TRIM24: variants seen among roughly 807,000 people sequenced by gnomAD.
TRIM24 encodes transcription intermediary factor 1-alpha.
In TRIM24, 29 loss-of-function variants were observed where a neutral mutation model predicts 123.9. The observed-to-expected ratio is 0.23, with a 90% CI of 0.17 to 0.32. TRIM24 has a LOEUF of 0.32. Ranked by LOEUF, TRIM24 falls within the 10% of genes least tolerant of loss-of-function variation. The pLI, the probability that TRIM24 is intolerant of heterozygous loss-of-function variation, is 1.00. For synonymous variants in TRIM24, 456 were observed against 461.1 expected (o/e 0.99, Z 0.14); for missense variants, 932 against 1,295.3 (o/e 0.72, Z 4.31).
intron 9 of TRIM24, among the ~76,000 whole-genome samples, chr7:138,561,060 T>C (rs1453236860): frequency 6.6e-6 from 1 of 152,212 alleles, no homozygotes; most frequent in Non-Finnish European, 1.5e-5. Flanking sequence ...TTTCCTTATA[T>C]ATAGCTCCAT....
chr7:138,576,559 T>C (rs1291791524), intron 13 of TRIM24, 114 bp downstream of exon 13: 3 of 827,042 alleles, frequency 3.6e-6, no homozygotes, highest in Non-Finnish European at 5.4e-6. Flanking sequence ...CCTTTATTTT[T>C]AATTAAAATT....
intron 6 of TRIM24, among the ~76,000 whole-genome samples, chr7:138,537,108 T>C (rs2116604687): frequency 6.6e-6 from 1 of 152,264 alleles, no homozygotes. Context: ...CCAGGTGCCG[T>C]CTGTCACAGC....
In TRIM24 at chr7:138,486,850, G is replaced by A. The variant is rs181591386; in HGVS notation, c.365-17440G>A. Among the ~76,000 whole-genome samples, 377 of 152,298 alleles carry A rather than the reference G, an allele frequency of 2.5e-3. 3 individuals are homozygous for A. The highest frequency in any genetic ancestry group is 3.2e-3 in the Non-Finnish European group (215 of 68,024). Reference sequence around the variant, plus strand: ...TTTATGGTTCCATATGAACTTTAAAGTAGTTTTTTTCCAGTTCTGTGAAGA... The same window carrying A: ...TTTATGGTTCCATATGAACTTTAAAATAGTTTTTTTCCAGTTCTGTGAAGA... On this transcript the variant is annotated intron_variant, in intron 1 of 18. Coordinates refer to ENST00000343526, the MANE Select transcript of TRIM24 (RefSeq NM_015905.3).
intron 12 of TRIM24, 118 bp downstream of exon 12, chr7:138,573,760 T>G: frequency 8.9e-7 from 1 of 1,126,554 alleles, no homozygotes; most frequent in East Asian, 2.5e-5. Flanking sequence ...TTTTCACTAT[T>G]TAAAATTAGT....
rs553385525 is a variant in TRIM24, at chr7:138,486,502, T to G, written c.365-17788T>G. 9.2e-5 allele frequency among the ~76,000 whole-genome samples: 14 copies of G among 152,344 alleles called. No homozygotes were observed. In the East Asian group the frequency reaches 2.5e-3, roughly 27 times the overall value. On this transcript the variant is annotated intron_variant, in intron 1 of 18. Coordinates refer to ENST00000343526, the MANE Select transcript of TRIM24 (RefSeq NM_015905.3). Reference sequence around the variant, plus strand: ...ATTTAAGTCTTTAATCCATCTTGAATTAATTTTTGTATAAGGTGTAAGGAA... The same window carrying G: ...ATTTAAGTCTTTAATCCATCTTGAAGTAATTTTTGTATAAGGTGTAAGGAA...
intron 15 of TRIM24, among the ~76,000 whole-genome samples, chr7:138,579,795 T>C (rs995448700): frequency 1.3e-5 from 2 of 152,156 alleles, no homozygotes; most frequent in African/African-American, 4.8e-5. Context: ...TGGTAGTGCA[T>C]GCCTGTAGTC....
intron 1 of TRIM24, among the ~76,000 whole-genome samples, chr7:138,484,088 G>A (rs1237460721): frequency 6.6e-6 from 1 of 151,924 alleles, no homozygotes; most frequent in Non-Finnish European, 1.5e-5. Context: ...GTGTCTGTGA[G>A]TGTATCTTTT....
intron 2 of TRIM24, among the ~76,000 whole-genome samples, chr7:138,508,700 C>CGCGCGCGCGCGTGTGT (rs1182276337): frequency 1.4e-4 from 5 of 35,510 alleles, no homozygotes; most frequent in East Asian, 1.4e-3. Context: ...TGTGCGCGCG[C>CGCGCGCGCGCGTGTGT]GTGTGTGCGT....
At chr7:138,540,870 A>C (rs1796989249) in intron 7 of TRIM24, among the ~76,000 whole-genome samples, 1 of 152,004 alleles carries the variant, frequency 6.6e-6, no homozygotes, top group African/African-American at 2.4e-5. Flanking sequence ...ATGGAGTCTC[A>C]CTCTGTTGCC....
At chr7:138,568,130 T>C (rs1398832640) in intron 10 of TRIM24, among the ~76,000 whole-genome samples, 1 of 151,748 alleles carries the variant, frequency 6.6e-6, no homozygotes, top group African/African-American at 2.4e-5. Flanking sequence ...ATTTTTTTAT[T>C]TTTTTTGAGA....
intron 2 of TRIM24, among the ~76,000 whole-genome samples, chr7:138,508,690 T>TGTGCGCGCGCGC (rs1584707746): frequency 9.4e-6 from 1 of 106,094 alleles, no homozygotes; most frequent in East Asian, 2.4e-4. Context: ...TGTGTGTGTG[T>TGTGCGCGCGCGC]GTGCGCGCGC....
intron 13 of TRIM24, among the ~76,000 whole-genome samples, chr7:138,576,696 CAAAGA>C (rs1797767794): frequency 6.6e-6 from 1 of 151,770 alleles, no homozygotes; most frequent in Admixed American, 6.6e-5. Context: ...CATATAATAG[CAAAGA>C]AAACATAAAA....
chr7:138,581,650 C>T, intron 16 of TRIM24, 47 bp from the exon 17 acceptor site: 2 of 1,480,468 alleles, frequency 1.4e-6, no homozygotes, highest in Non-Finnish European at 1.9e-6. Context: ...GCTGTGAATT[C>T]ATTGTTTTAT....
Position 138,568,379 on chromosome 7 carries a change from CTTTTTTTTTTTTTT to C in TRIM24, c.1704+742_1704+755del, listed in dbSNP as rs60386130. On this transcript the variant is annotated intron_variant, in intron 10 of 18. Transcript: ENST00000343526. ...CTCGTAAGCCACCGTACCTGGCCTC[CTTTTTTTTTTTTTT>C]TTTTTTTTTTTTTTTTAAAGTCTCT... 5.5e-4 allele frequency among the ~76,000 whole-genome samples: 38 copies of C among 68,704 alleles called. 3 individuals are homozygous for C. In the East Asian group the frequency reaches 0.018, roughly 33 times the overall value. The allele number at this position is 68,704 out of a possible 152,430, so 45.1% of individuals were successfully genotyped here.
Position 138,567,657 on chromosome 7 carries a change from A to G in TRIM24, c.1704+3A>G. ...TGGCTCAACAAGCCATAAAACAGGT[A>G]TATATCTACCTTCTTTTCTCAATTG... On this transcript the variant is annotated splice_donor_region_variant and intron_variant, in intron 10 of 18. Transcript: ENST00000343526. The G allele has an allele frequency of 1.2e-6, 2 of 1,600,762 alleles. No individual in the cohort carries two copies. The highest frequency in any genetic ancestry group is 1.7e-6 in the Non-Finnish European group (2 of 1,175,096).
intron 1 of TRIM24, 68 bp downstream of exon 1, chr7:138,460,980 G>T (rs888377402): frequency 7.6e-7 from 1 of 1,322,620 alleles, no homozygotes; most frequent in Non-Finnish European, 9.7e-7. Context: ...GCCCTTGTGC[G>T]GCGCGACCCG....
At chr7:138,520,948 G>A (rs1272872529) in intron 4 of TRIM24, among the ~76,000 whole-genome samples, 1 of 152,186 alleles carries the variant, frequency 6.6e-6, no homozygotes, top group African/African-American at 2.4e-5. Context: ...AGAATGTAAT[G>A]GCTGAGAACT....
intron 1 of TRIM24, among the ~76,000 whole-genome samples, chr7:138,474,791 A>G (rs138617697): frequency 4.5e-4 from 68 of 152,238 alleles, no homozygotes; most frequent in African/African-American, 1.5e-3. Context: ...CTTCTGTTCC[A>G]TTGGTCTTTT....
At chr7:138,540,463 A>T (rs140205695) in intron 7 of TRIM24, among the ~76,000 whole-genome samples, 1 of 152,198 alleles carries the variant, frequency 6.6e-6, no homozygotes, top group Admixed American at 6.5e-5. Flanking sequence ...AGTAATTTCT[A>T]TCTCAAAAAA....
Sources: allele counts gnomAD v4.1 joint callset (sites outside exome capture counted in the v4.1 genomes callset), GRCh38; gene constraint gnomAD v4.1.1; transcripts MANE v1.5; gene names NCBI Gene and HGNC (gene_info 2026-07-23, HGNC 2026-07-21).